Variants in PDE6D observed in about 807,000 individuals in gnomAD.
PDE6D encodes the protein retinal rod rhodopsin-sensitive cGMP 3',5'-cyclic phosphodiesterase subunit delta.
PDE6D carries 10 observed loss-of-function variants against 21.9 expected under a neutral mutation model. That is an observed-to-expected ratio of 0.46 (90% CI 0.28 to 0.78). PDE6D has a LOEUF of 0.78. Among genes scored for constraint, PDE6D ranks in the 30% least tolerant of loss-of-function variants. PDE6D has a pLI of 0.12. For missense variants in PDE6D, 139 were observed against 184.8 expected (o/e 0.75, Z 1.44); for synonymous variants, 59 against 63.5 (o/e 0.93, Z 0.34).
intron 4 of PDE6D, among the ~76,000 whole-genome samples, chr2:231,736,600 A>T (rs1233218991): frequency 6.6e-6 from 1 of 152,266 alleles, no homozygotes; most frequent in African/African-American, 2.4e-5. Context: ...TGTTCTTGGA[A>T]CAGGAACCAA....
rs182735707 is a variant in PDE6D, at chr2:231,776,100, G to A, written c.50+4965C>T. On this transcript the variant is annotated intron_variant, in intron 1 of 4. Transcript: ENST00000287600. ...CGCCTGTAATCCCAGCACTTTGGGA[G>A]GCCTGAGGTCAGGAGTTCGAGACCA... is the stretch of plus-strand genomic sequence containing the variant. Among the ~76,000 whole-genome samples, 517 of 152,022 alleles carry A rather than the reference G, an allele frequency of 3.4e-3. 1 individual carries two copies. Among genetic ancestry groups the A allele is most frequent in the African/African-American group, 0.012 (487 of 41,484 alleles).
intron 1 of PDE6D, among the ~76,000 whole-genome samples, chr2:231,743,442 A>AG (rs951450083): frequency 2.0e-5 from 3 of 151,862 alleles, no homozygotes; most frequent in Admixed American, 6.6e-5. Context: ...AAAAAAAAAA[A>AG]AAAAAAAGAA....
intron 4 of PDE6D, among the ~76,000 whole-genome samples, chr2:231,735,711 G>A (rs1396022889): frequency 6.7e-6 from 1 of 148,796 alleles, no homozygotes; most frequent in East Asian, 2.0e-4. Flanking sequence ...ACACCTGGCT[G>A]TTAAAAAAAC....
chr2:231,781,200 G>T lies in PDE6D; in HGVS notation c.-86C>A. ...CCCAGGAGCCGAGGATGGAGCCGCAGCCCGGCTTGGAGACCTCGGGCTAGC... is the reference window on the plus strand; with the variant it reads ...CCCAGGAGCCGAGGATGGAGCCGCATCCCGGCTTGGAGACCTCGGGCTAGC... On this transcript the variant is annotated 5_prime_UTR_variant, in exon 1 of 5. It adds an upstream start codon to the 5' untranslated region. Coordinates refer to ENST00000287600, the MANE Select transcript of PDE6D (RefSeq NM_002601.4). The T allele has an allele frequency of 7.2e-7, 1 of 1,383,778 alleles. No homozygotes were observed. The highest frequency in any genetic ancestry group is 1.0e-6 in the Non-Finnish European group (1 of 981,758). 85.7% of individuals were successfully genotyped at this position (1,383,778 alleles called of 1,614,324 possible). A position where few individuals can be genotyped will look rare whatever the true frequency, so the allele number is the denominator to read the frequency against.
chr2:231,747,929 A>T (rs1326630013), intron 1 of PDE6D, among the ~76,000 whole-genome samples: 1 of 152,186 alleles, frequency 6.6e-6, no homozygotes, highest in Non-Finnish European at 1.5e-5. Context: ...GCCGCCATGT[A>T]AGAAGAGGCT....
At chr2:231,750,878 T>C (rs2048834500) in intron 1 of PDE6D, among the ~76,000 whole-genome samples, 2 of 152,090 alleles carry the variant, frequency 1.3e-5, no homozygotes, top group Non-Finnish European at 2.9e-5. Context: ...GGTTACCTTG[T>C]ATATGGACAT....
chr2:231,754,060 C>T (rs935491233), intron 1 of PDE6D, among the ~76,000 whole-genome samples: 1 of 151,978 alleles, frequency 6.6e-6, no homozygotes, highest in African/African-American at 2.4e-5. Flanking sequence ...CTTTCAGGGA[C>T]CCAATTAAGT....
At chr2:231,751,523 T>G (rs1278274048) in intron 1 of PDE6D, among the ~76,000 whole-genome samples, 1 of 152,220 alleles carries the variant, frequency 6.6e-6, no homozygotes, top group African/African-American at 2.4e-5. Flanking sequence ...TACTCTATTA[T>G]TAACATCTTA....
chr2:231,733,143 C>A, intron 4 of PDE6D, 110 bp from the exon 5 acceptor site: 1 of 732,992 alleles, frequency 1.4e-6, no homozygotes, highest in South Asian at 1.6e-5. Context: ...TGGACATGCA[C>A]CCACCCAGAG....
At chr2:231,767,274 T>G (rs1226265991) in intron 1 of PDE6D, among the ~76,000 whole-genome samples, 2 of 152,262 alleles carry the variant, frequency 1.3e-5, no homozygotes, top group African/African-American at 4.8e-5. Context: ...TGGCATGTAT[T>G]ATTTCGTTCA....
At chr2:231,772,516 TTAG>T (rs1169875437) in intron 1 of PDE6D, among the ~76,000 whole-genome samples, 15 of 152,332 alleles carry the variant, frequency 9.8e-5, no homozygotes, top group African/African-American at 3.4e-4. Context: ...CAAGCAATTA[TTAG>T]AATAGTCAGG....
intron 4 of PDE6D, among the ~76,000 whole-genome samples, chr2:231,735,684 T>C (rs951645791): frequency 1.3e-4 from 19 of 151,852 alleles, no homozygotes; most frequent in African/African-American, 4.6e-4. Context: ...TAGCTAGGAT[T>C]ATAGGAAAGT....
intron 1 of PDE6D, among the ~76,000 whole-genome samples, chr2:231,740,680 CA>C (rs3074722): frequency 0.086 from 4,895 of 56,940 alleles, 112 homozygotes; most frequent in African/African-American, 0.21. Context: ...GACCCTGTCT[CA>C]AAAAAAAAAA....
At chr2:231,776,971 A>G (rs551748566) in intron 1 of PDE6D, among the ~76,000 whole-genome samples, 41 of 152,360 alleles carry the variant, frequency 2.7e-4, no homozygotes, top group African/African-American at 8.9e-4. Context: ...AGTCCAGTAT[A>G]GCTCTTAACC....
At chr2:231,753,033 G>T (rs1391975219) in intron 1 of PDE6D, among the ~76,000 whole-genome samples, 1 of 148,232 alleles carries the variant, frequency 6.7e-6, no homozygotes, top group Admixed American at 6.7e-5. Flanking sequence ...GGGTTTCACC[G>T]TGTTAGCCAG....
chr2:231,766,382 C>T (rs903362808), intron 1 of PDE6D, among the ~76,000 whole-genome samples: 1 of 152,210 alleles, frequency 6.6e-6, no homozygotes. Flanking sequence ...CATTATCCTA[C>T]TGACATGTAC....
intron 1 of PDE6D, among the ~76,000 whole-genome samples, chr2:231,743,782 T>C (rs2048770226): frequency 6.6e-6 from 1 of 152,186 alleles, no homozygotes; most frequent in South Asian, 2.1e-4. Context: ...GTCTCACAAT[T>C]ATAATTACTA....
At chr2:231,746,368 C>T (rs2048794134) in intron 1 of PDE6D, among the ~76,000 whole-genome samples, 1 of 152,110 alleles carries the variant, frequency 6.6e-6, no homozygotes, top group Non-Finnish European at 1.5e-5. Flanking sequence ...GTCTCAAACC[C>T]CTGACCTCAA....
rs145491718 is a variant in PDE6D, at chr2:231,775,485, G to GTTTTTT, written c.50+5579_50+5580insAAAAAA. ...CACCACACCTGGCTAATTTTTGTGT[G>GTTTTTT]TGTTTTTTTTTTTTTTTTGTAGAGG... On this transcript the variant is annotated intron_variant, in intron 1 of 4. Coordinates refer to ENST00000287600, the MANE Select transcript of PDE6D (RefSeq NM_002601.4). Among the ~76,000 whole-genome samples, 6 of 140,950 alleles carry GTTTTTT rather than the reference G, an allele frequency of 4.3e-5. 2 individuals carry two copies. The highest frequency in any genetic ancestry group is 9.2e-5 in the Non-Finnish European group (6 of 65,368). 92.5% of individuals were successfully genotyped at this position (140,950 alleles called of 152,430 possible). A position where few individuals can be genotyped will look rare whatever the true frequency, so the allele number is the denominator to read the frequency against.
Sources: allele counts gnomAD v4.1 joint callset (sites outside exome capture counted in the v4.1 genomes callset), GRCh38; gene constraint gnomAD v4.1.1; transcripts MANE v1.5; gene names NCBI Gene and HGNC (gene_info 2026-07-23, HGNC 2026-07-21).